Variants in SUSD4 observed in about 807,000 individuals in gnomAD.
SUSD4 encodes sushi domain containing 4, also known as sushi domain-containing protein 4.
SUSD4 carries 41 observed loss-of-function variants against 50.5 expected under a neutral mutation model. The ratio of observed to expected loss-of-function variants is 0.81; its 90% CI spans 0.63 to 1.05. The LOEUF (loss-of-function observed/expected upper bound fraction) is 1.05, where lower values mean the gene tolerates loss of function less well. SUSD4 is among the 50% of genes least tolerant of loss of function. The pLI, the probability that SUSD4 is intolerant of heterozygous loss-of-function variation, is 0.00. For synonymous variants in SUSD4, 257 were observed against 257.3 expected (o/e 1.00, Z 0.01); for missense variants, 580 against 634.7 (o/e 0.91, Z 0.93).
chr1:223,268,425 G>A, intron 4 of SUSD4, 77 bp downstream of exon 4: 1 of 1,500,742 alleles, frequency 6.7e-7, no homozygotes, highest in South Asian at 1.4e-5. Flanking sequence ...CACTTTATTA[G>A]ATAAACATGT....
chr1:223,222,012 G>GA lies in SUSD4; in HGVS notation c.*179_*180insT. The stretch of plus-strand genomic sequence containing the variant: ...GTGAATCCTCAAATCTCATTTAAAA[G>GA]CACTGCCATTGCAGTTTGTCAGCCT... On this transcript the variant is annotated 3_prime_UTR_variant, in exon 9 of 9. Transcript: ENST00000366878. The GA allele has an allele frequency of 1.6e-6, 1 of 613,902 alleles. No individual in the cohort carries two copies. Among genetic ancestry groups the GA allele is most frequent in the Non-Finnish European group, 2.8e-6 (1 of 354,310 alleles). The allele number at this position is 613,902 out of a possible 1,614,324, so 38.0% of individuals were successfully genotyped here.
intron 2 of SUSD4, among the ~76,000 whole-genome samples, chr1:223,299,761 G>A (rs376592073): frequency 6.6e-6 from 1 of 152,168 alleles, no homozygotes; most frequent in African/African-American, 2.4e-5. Flanking sequence ...AGCTGAGTAA[G>A]GGAGAATTCT....
rs143800261 is a variant in SUSD4 at position 223,253,087 on chromosome 1, C to T, written c.724+11543G>A. 7.6e-4 allele frequency among the ~76,000 whole-genome samples: 113 copies of T among 148,868 alleles called. No homozygotes were observed. The East Asian group carries it at 0.02, about 27-fold the overall frequency. On this transcript the variant is annotated intron_variant, in intron 5 of 8. Transcript: ENST00000366878. ...GCCTGGGTGAGACAGAGTGAGGCTC[C>T]GTTTCCAAAAAAAAAAAAGAAAAAG...
chr1:223,271,876 A>G (rs895005261), intron 3 of SUSD4, among the ~76,000 whole-genome samples: 2 of 152,320 alleles, frequency 1.3e-5, no homozygotes, highest in Non-Finnish European at 2.9e-5. Flanking sequence ...ATATCCATCA[A>G]TTCTGAAGTC....
intron 2 of SUSD4, among the ~76,000 whole-genome samples, chr1:223,340,228 A>G (rs1160467847): frequency 6.6e-6 from 1 of 152,224 alleles, no homozygotes; most frequent in Non-Finnish European, 1.5e-5. Context: ...AGGGAGGCTC[A>G]TGTGTGCCCA....
intron 5 of SUSD4, among the ~76,000 whole-genome samples, chr1:223,256,296 G>C (rs1661687751): frequency 6.6e-6 from 1 of 152,180 alleles, no homozygotes; most frequent in Non-Finnish European, 1.5e-5. Flanking sequence ...AGAAAGCACA[G>C]CCTAGGAGTC....
intron 5 of SUSD4, among the ~76,000 whole-genome samples, chr1:223,252,319 G>C (rs1661390129): frequency 6.6e-6 from 1 of 151,212 alleles, no homozygotes; most frequent in African/African-American, 2.4e-5. Context: ...CATCAAGGGA[G>C]AACTCCATGT....
chr1:223,294,030 A>G (rs1204668545), intron 2 of SUSD4, among the ~76,000 whole-genome samples: 3 of 152,206 alleles, frequency 2.0e-5, no homozygotes, highest in African/African-American at 7.2e-5. Context: ...TGTGTGCATA[A>G]TGCTTTAACC....
intron 5 of SUSD4, among the ~76,000 whole-genome samples, chr1:223,260,997 G>A (rs564522694): frequency 3.3e-5 from 5 of 152,282 alleles, no homozygotes; most frequent in East Asian, 1.9e-4. Flanking sequence ...GAGACCATGC[G>A]CCAAGAGTTG....
intron 2 of SUSD4, among the ~76,000 whole-genome samples, chr1:223,336,399 A>G (rs754087770): frequency 2.7e-4 from 41 of 152,250 alleles, no homozygotes; most frequent in Non-Finnish European, 5.1e-4. Flanking sequence ...TAAATTTTAT[A>G]AATCAAAAAA....
At chr1:223,247,574 G>A (rs1256405346) in intron 5 of SUSD4, among the ~76,000 whole-genome samples, 1 of 152,226 alleles carries the variant, frequency 6.6e-6, no homozygotes, top group East Asian at 1.9e-4. Flanking sequence ...AATAACAGAT[G>A]TGAATCTGCT....
intron 4 of SUSD4, among the ~76,000 whole-genome samples, chr1:223,265,035 A>G (rs1015974889): frequency 6.6e-5 from 10 of 152,228 alleles, no homozygotes; most frequent in African/African-American, 2.4e-4. Flanking sequence ...TGGCACCAAG[A>G]GGGTCAGAGG....
rs560471696 is a variant in SUSD4 at position 223,230,129 on chromosome 1, G to T, written c.725-741C>A. Among the ~76,000 whole-genome samples, 7 of 152,304 alleles carry T rather than the reference G, an allele frequency of 4.6e-5. No homozygotes were observed. The East Asian group carries it at 1.3e-3, about 29-fold the overall frequency. ...CGAATATCCCATCATGTTAGGGGAA[G>T]AAAAAGTTGTTTTTAGTGTCTTTAG... is the stretch of plus-strand genomic sequence containing the variant. On this transcript the variant is annotated intron_variant, in intron 5 of 8. Coordinates refer to ENST00000366878, the MANE Select transcript of SUSD4 (RefSeq NM_017982.4).
At chr1:223,302,752 T>A (rs1572015079) in intron 2 of SUSD4, among the ~76,000 whole-genome samples, 2 of 152,048 alleles carry the variant, frequency 1.3e-5, no homozygotes, top group South Asian at 4.1e-4. Context: ...GAAAAGCACA[T>A]CCAAACTAAC....
At chr1:223,328,236 T>C (rs974373627) in intron 2 of SUSD4, among the ~76,000 whole-genome samples, 3 of 152,210 alleles carry the variant, frequency 2.0e-5, no homozygotes, top group African/African-American at 7.2e-5. Flanking sequence ...TATAAAGGGC[T>C]CTCCAGTACA....
intron 2 of SUSD4, among the ~76,000 whole-genome samples, chr1:223,316,960 C>A (rs747253866): frequency 7.9e-5 from 12 of 152,116 alleles, no homozygotes; most frequent in Non-Finnish European, 1.5e-4. Flanking sequence ...CAGCGCAGAC[C>A]TTGTAAAGGC....
intron 3 of SUSD4, among the ~76,000 whole-genome samples, chr1:223,280,479 A>G (rs1292130009): frequency 1.3e-5 from 2 of 152,168 alleles, no homozygotes; most frequent in Non-Finnish European, 2.9e-5. Context: ...AAAGATCAAA[A>G]GAGACAAAGA....
At chr1:223,239,847 A>AT (rs1660462374) in intron 5 of SUSD4, among the ~76,000 whole-genome samples, 1 of 151,904 alleles carries the variant, frequency 6.6e-6, no homozygotes, top group Admixed American at 6.6e-5. Flanking sequence ...AAAAGTTTTA[A>AT]TTTTACCTTC....
intron 5 of SUSD4, among the ~76,000 whole-genome samples, chr1:223,241,316 G>A (rs933386098): frequency 2.0e-5 from 3 of 152,188 alleles, no homozygotes; most frequent in Non-Finnish European, 2.9e-5. Flanking sequence ...ACTCACAAAA[G>A]TATGGAGGCC....
Sources: allele counts gnomAD v4.1 joint callset (sites outside exome capture counted in the v4.1 genomes callset), GRCh38; gene constraint gnomAD v4.1.1; transcripts MANE v1.5; gene names NCBI Gene and HGNC (gene_info 2026-07-23, HGNC 2026-07-21).